Variants in NRG1 observed in about 807,000 individuals in gnomAD.
The protein encoded by NRG1 is pro-neuregulin-1, membrane-bound isoform.
A neutral mutation model predicts 63.8 loss-of-function variants in NRG1; 18 were observed. The ratio of observed to expected loss-of-function variants is 0.28; its 90% confidence interval spans 0.19 to 0.42. The LOEUF is 0.42. Ranked by LOEUF, NRG1 falls within the 10% of genes least tolerant of loss-of-function variation. The pLI is 1.00. For missense variants in NRG1, 762 were observed against 814.7 expected, an observed-to-expected ratio of 0.94 and a Z score of 0.79; for synonymous variants, 302 against 301.3, an observed-to-expected ratio of 1.00 and a Z score of -0.02.
intron 5 of NRG1, among the ~76,000 whole-genome samples, chr8:32,657,531 G>C (rs1281344349): frequency 6.6e-6 from 1 of 152,114 alleles, no homozygotes; most frequent in Non-Finnish European, 1.5e-5. Context: ...CTTAACCACA[G>C]TCTTGACCAT....
At chr8:31,699,592 T>G (rs1810428405) in intron 1 of NRG1, among the ~76,000 whole-genome samples, 1 of 152,238 alleles carries the variant, frequency 6.6e-6, no homozygotes, top group African/African-American at 2.4e-5. Context: ...GCCTGAGTCT[T>G]TCTTTCTGAG....
At chr8:31,798,282 AT>A (rs747530689) in intron 1 of NRG1, among the ~76,000 whole-genome samples, 9 of 152,218 alleles carry the variant, frequency 5.9e-5, no homozygotes, top group Non-Finnish European at 1.0e-4. Flanking sequence ...TGATTTGATC[AT>A]TATGCATTAC....
chr8:32,040,830 A>G (rs1337890467), intron 1 of NRG1, among the ~76,000 whole-genome samples: 1 of 139,144 alleles, frequency 7.2e-6, no homozygotes, highest in East Asian at 2.1e-4. Context: ...TATTTTTTTC[A>G]GAGATGGATT....
chr8:31,664,092 CATTGGTTGTTTT>C (rs1806283904), intron 1 of NRG1, among the ~76,000 whole-genome samples: 2 of 151,968 alleles, frequency 1.3e-5, no homozygotes, highest in African/African-American at 4.8e-5. Flanking sequence ...ATGTTGTGTT[CATTGGTTGTTTT>C]TGTCTGTCTA....
At chr8:31,776,728 C>G (rs957184907) in intron 1 of NRG1, among the ~76,000 whole-genome samples, 1 of 152,010 alleles carries the variant, frequency 6.6e-6, no homozygotes, top group Non-Finnish European at 1.5e-5. Context: ...GTGATGTTCC[C>G]CTTCCTGTGT....
chr8:32,736,960 C>T (rs1490564894), intron 6 of NRG1, among the ~76,000 whole-genome samples: 1 of 151,738 alleles, frequency 6.6e-6, no homozygotes, highest in Non-Finnish European at 1.5e-5. Flanking sequence ...AAGTTTATTT[C>T]AAAATACATA....
intron 7 of NRG1, 50 bp from the exon 8 acceptor site, chr8:32,754,322 C>G (rs369873924): frequency 6.5e-7 from 1 of 1,547,948 alleles, no homozygotes; most frequent in East Asian, 2.3e-5. Flanking sequence ...GTAGTCAGTC[C>G]TGGCAAGTGG....
At chr8:32,090,421 A>AG (rs1828946128) in intron 1 of NRG1, among the ~76,000 whole-genome samples, 1 of 152,162 alleles carries the variant, frequency 6.6e-6, no homozygotes, top group African/African-American at 2.4e-5. Flanking sequence ...CACAGGTTCA[A>AG]GTGATTCTCC....
chr8:31,843,402 C>A (rs190076451), intron 1 of NRG1, among the ~76,000 whole-genome samples: 1 of 152,240 alleles, frequency 6.6e-6, no homozygotes. Context: ...TAACATTTCT[C>A]CAATTTTCAG....
intron 1 of NRG1, among the ~76,000 whole-genome samples, chr8:32,249,254 C>G (rs1848865988): frequency 6.6e-6 from 1 of 151,988 alleles, no homozygotes; most frequent in African/African-American, 2.4e-5. Context: ...AGGTGCATGC[C>G]ACCGTATCTG....
intron 1 of NRG1, among the ~76,000 whole-genome samples, chr8:32,403,444 A>C (rs750243012): frequency 2.0e-4 from 31 of 152,166 alleles, no homozygotes; most frequent in Non-Finnish European, 2.6e-4. Flanking sequence ...TACAAGATAC[A>C]AAAATTGACT....
At chr8:32,384,192 G>A (rs1810702812) in intron 1 of NRG1, among the ~76,000 whole-genome samples, 1 of 152,086 alleles carries the variant, frequency 6.6e-6, no homozygotes, top group East Asian at 1.9e-4. Context: ...AGTTGTGATT[G>A]CACCACTACA....
intron 6 of NRG1, among the ~76,000 whole-genome samples, chr8:32,734,071 A>C (rs991164164): frequency 2.0e-5 from 3 of 152,238 alleles, no homozygotes; most frequent in Non-Finnish European, 2.9e-5. Context: ...AGGGAGCCAT[A>C]GTAACATCTG....
In NRG1 at chr8:32,033,888, C is replaced by T. The variant is rs115577275; in HGVS notation, c.37+394457C>T. Among the ~76,000 whole-genome samples, 389 of 152,276 alleles carry T rather than the reference C, an allele frequency of 2.6e-3. 1 individual carries two copies. Among genetic ancestry groups the T allele is most frequent in the African/African-American group, 9.1e-3 (379 of 41,552 alleles). ...TTTTCCAGATATAGGGTCATGTCAT[C>T]TACAGACAAAGACAATTTGACTTCC... On this transcript the variant is annotated intron_variant, in intron 1 of 10. Coordinates refer to the NRG1 transcript ENST00000519301.
chr8:32,293,211 A>C (rs1219644381), intron 1 of NRG1, among the ~76,000 whole-genome samples: 1 of 152,236 alleles, frequency 6.6e-6, no homozygotes, highest in East Asian at 1.9e-4. Flanking sequence ...AAAATATATG[A>C]TTTAGTTAAG....
intron 1 of NRG1, among the ~76,000 whole-genome samples, chr8:32,562,773 A>G (rs1256204742): frequency 6.6e-6 from 1 of 152,202 alleles, no homozygotes; most frequent in African/African-American, 2.4e-5. Context: ...AACACCATGT[A>G]CTGGCATGGA....
intron 1 of NRG1, among the ~76,000 whole-genome samples, chr8:32,556,504 A>G (rs866229666): frequency 5.9e-5 from 9 of 152,314 alleles, no homozygotes; most frequent in Middle Eastern, 3.4e-3. Flanking sequence ...AACCACCATT[A>G]TTTCTACAGA....
intron 1 of NRG1, among the ~76,000 whole-genome samples, chr8:32,573,518 A>G (rs1405306138): frequency 6.6e-6 from 1 of 152,182 alleles, no homozygotes; most frequent in Non-Finnish European, 1.5e-5. Flanking sequence ...TGCTGTAGCA[A>G]TATTCAATTT....
chr8:32,119,054 A>C (rs1405592465), intron 1 of NRG1, among the ~76,000 whole-genome samples: 1 of 152,120 alleles, frequency 6.6e-6, no homozygotes, highest in Non-Finnish European at 1.5e-5. Context: ...TAAATTGCTC[A>C]ATATGACATG....
Sources: allele counts gnomAD v4.1 joint callset (sites outside exome capture counted in the v4.1 genomes callset), GRCh38; gene constraint gnomAD v4.1.1; transcripts MANE v1.5; gene names NCBI Gene and HGNC (gene_info 2026-07-23, HGNC 2026-07-21).